Variants in SGCD observed in about 807,000 individuals in gnomAD.
SGCD encodes sarcoglycan delta, also known as delta-sarcoglycan.
SGCD carries 18 observed loss-of-function variants against 36.6 expected under a neutral mutation model. The observed-to-expected ratio is 0.49, with a 90% CI of 0.34 to 0.73. The LOEUF is 0.73. SGCD is among the 30% of genes least tolerant of loss of function. The probability of loss-of-function intolerance (pLI) is 0.01; values close to 1 mark genes in which losing one functional copy is unlikely to be tolerated. For synonymous variants in SGCD, 133 were observed against 130.6 expected, an observed-to-expected ratio of 1.02 and a Z score of -0.12; for missense variants, 387 against 346.7, an observed-to-expected ratio of 1.12 and a Z score of -0.92.
In SGCD at chr5:156,049,712, C is replaced by G. The variant is rs10055341; in HGVS notation, c.-281-68166C>G. ...AACCTTCTGGAATGGATTCACCCTT[C>G]TAGATGCCATTAAGAACATTTGTGA... On this transcript the variant is annotated intron_variant, in intron 1 of 9. Transcript: ENST00000517913. Among the ~76,000 whole-genome samples, 370 of 146,820 alleles carry G rather than the reference C, an allele frequency of 2.5e-3. 23 individuals carry two copies. The highest frequency in any genetic ancestry group is 8.9e-3 in the African/African-American group (362 of 40,860).
At chr5:155,783,930 G>A in the SGCD span, among the ~76,000 whole-genome samples, 3 of 152,244 alleles carry the variant, frequency 2.0e-5, no homozygotes, top group African/African-American at 7.2e-5. Flanking sequence ...AGCATGATTC[G>A]TTGGTCTTCC....
At chr5:156,420,015 C>T (rs1251578980) in intron 3 of SGCD, among the ~76,000 whole-genome samples, 3 of 152,092 alleles carry the variant, frequency 2.0e-5, no homozygotes, top group East Asian at 3.9e-4. Context: ...TGTCCTTCAC[C>T]TCAGCCTCTC....
chr5:155,884,417 A>G (rs1755960754), intron 1 of SGCD, among the ~76,000 whole-genome samples: 1 of 152,224 alleles, frequency 6.6e-6, no homozygotes, highest in Non-Finnish European at 1.5e-5. Flanking sequence ...AACTTTCAGC[A>G]GTAAGTTTGG....
intron 7 of SGCD, among the ~76,000 whole-genome samples, chr5:156,756,761 T>C (rs1757349686): frequency 1.3e-5 from 2 of 152,168 alleles, no homozygotes; most frequent in Non-Finnish European, 2.9e-5. Flanking sequence ...CATAGAGACC[T>C]GTAACCACCA....
chr5:156,096,836 CTT>C (rs1371902137), intron 1 of SGCD, among the ~76,000 whole-genome samples: 1 of 152,100 alleles, frequency 6.6e-6, no homozygotes, highest in Non-Finnish European at 1.5e-5. Flanking sequence ...TTCTTTTATT[CTT>C]TCCTTTTTGT....
the SGCD span, among the ~76,000 whole-genome samples, chr5:155,777,634 T>C: frequency 6.6e-6 from 1 of 152,054 alleles, no homozygotes; most frequent in African/African-American, 2.4e-5. Context: ...GGGATTACAG[T>C]TGGGAGCCAC....
chr5:156,200,358 C>G (rs1486365233), intron 3 of SGCD, among the ~76,000 whole-genome samples: 2 of 152,048 alleles, frequency 1.3e-5, no homozygotes, highest in African/African-American at 2.4e-5. Context: ...GGATATGAAC[C>G]TTTGCATATA....
chr5:156,428,993 G>C (rs1773796001), intron 3 of SGCD, among the ~76,000 whole-genome samples: 1 of 151,826 alleles, frequency 6.6e-6, no homozygotes, highest in South Asian at 2.1e-4. Context: ...ATGCTGATGA[G>C]AATAATGTAT....
At chr5:156,230,252 A>G (rs1764982212) in intron 3 of SGCD, among the ~76,000 whole-genome samples, 1 of 152,080 alleles carries the variant, frequency 6.6e-6, no homozygotes, top group African/African-American at 2.4e-5. Flanking sequence ...AGTGTTAAAG[A>G]ACCTTGTTTT....
At chr5:156,733,617 ATATAG>A (rs1238773227) in intron 7 of SGCD, among the ~76,000 whole-genome samples, 1 of 152,066 alleles carries the variant, frequency 6.6e-6, no homozygotes, top group African/African-American at 2.4e-5. Flanking sequence ...TCTCCCACTA[ATATAG>A]TATAGGAGTC....
At chr5:155,729,304 A>T in the SGCD span, among the ~76,000 whole-genome samples, 2 of 152,160 alleles carry the variant, frequency 1.3e-5, no homozygotes, top group Non-Finnish European at 2.9e-5. Context: ...ATAAGCGCTT[A>T]GAGATCCGCA....
chr5:156,134,527 G>C (rs561203527), intron 3 of SGCD, among the ~76,000 whole-genome samples: 4 of 151,854 alleles, frequency 2.6e-5, no homozygotes, highest in Admixed American at 6.6e-5. Flanking sequence ...GCACTTGCTG[G>C]TTCTTTTGCT....
At chr5:156,655,067 T>A (rs1763619639) in intron 7 of SGCD, among the ~76,000 whole-genome samples, 1 of 152,138 alleles carries the variant, frequency 6.6e-6, no homozygotes, top group African/African-American at 2.4e-5. Context: ...TTTTGAGGGT[T>A]TTTTTTCTTT....
chr5:156,681,922 C>T (rs777798533), intron 7 of SGCD, among the ~76,000 whole-genome samples: 3 of 152,182 alleles, frequency 2.0e-5, no homozygotes, highest in African/African-American at 4.8e-5. Flanking sequence ...AAAGCAAATG[C>T]TATTATGAAA....
intron 3 of SGCD, among the ~76,000 whole-genome samples, chr5:156,429,265 C>CTTTTTTTTTTTTTT (rs3074973): frequency 4.8e-5 from 6 of 123,786 alleles, no homozygotes; most frequent in Middle Eastern, 4.4e-3. Flanking sequence ...CCCTCATTGT[C>CTTTTTTTTTTTTTT]TTTTTTTTTT....
At chr5:156,241,774 G>T in intron 3 of SGCD, among the ~76,000 whole-genome samples, 1 of 152,198 alleles carries the variant, frequency 6.6e-6, no homozygotes, top group Non-Finnish European at 1.5e-5. Flanking sequence ...CACTATGCTA[G>T]TAGGTACTGG....
chr5:156,338,416 A>G (rs956644633), intron 2 of SGCD, among the ~76,000 whole-genome samples: 1 of 152,130 alleles, frequency 6.6e-6, no homozygotes, highest in Non-Finnish European at 1.5e-5. Flanking sequence ...ACCCTTTTTC[A>G]TCCCTATGTC....
chr5:156,577,321 C>T (rs1166416070), intron 4 of SGCD, among the ~76,000 whole-genome samples: 1 of 152,120 alleles, frequency 6.6e-6, no homozygotes, highest in African/African-American at 2.4e-5. Context: ...GTTGCTGTAG[C>T]CTTGTGGAAT....
chr5:156,153,171 C>T (rs1448083248), intron 3 of SGCD, among the ~76,000 whole-genome samples: 1 of 151,446 alleles, frequency 6.6e-6, no homozygotes, highest in East Asian at 1.9e-4. Context: ...ATTCTATGAA[C>T]TGAATGTTGC....
Sources: allele counts gnomAD v4.1 joint callset (sites outside exome capture counted in the v4.1 genomes callset), GRCh38; gene constraint gnomAD v4.1.1; transcripts MANE v1.5; gene names NCBI Gene and HGNC (gene_info 2026-07-23, HGNC 2026-07-21).